The following CDH4 variants were observed in gnomAD, a reference collection of about 807,000 sequenced individuals.
The protein encoded by CDH4 is cadherin-4.
In CDH4, 33 loss-of-function variants were observed where a neutral mutation model predicts 86.0. The ratio of observed to expected loss-of-function variants is 0.38; its 90% CI spans 0.29 to 0.51. The LOEUF is 0.51. Among genes scored for constraint, CDH4 ranks in the 20% least tolerant of loss-of-function variants. The probability of loss-of-function intolerance (pLI) is 0.86; values close to 1 mark genes in which losing one functional copy is unlikely to be tolerated. For missense variants in CDH4, 1,114 were observed against 1,307.4 expected (o/e 0.85, Z 2.28); for synonymous variants, 555 against 549.4 (o/e 1.01, Z -0.14).
chr20:61,581,942 T>C (rs2086432315), intron 2 of CDH4, among the ~76,000 whole-genome samples: 1 of 152,206 alleles, frequency 6.6e-6, no homozygotes, highest in South Asian at 2.1e-4. Flanking sequence ...TCCTCGGCCC[T>C]GGCTGGCCTG....
At chr20:61,309,848 A>G (rs2084436310) in intron 2 of CDH4, among the ~76,000 whole-genome samples, 1 of 152,166 alleles carries the variant, frequency 6.6e-6, no homozygotes, top group Admixed American at 6.5e-5. Context: ...GTCCTATTGA[A>G]TGCATTACTT....
At chr20:61,257,662 C>T (rs1177650062) in intron 2 of CDH4, among the ~76,000 whole-genome samples, 1 of 152,240 alleles carries the variant, frequency 6.6e-6, no homozygotes, top group Non-Finnish European at 1.5e-5. Context: ...GACGGTGAAG[C>T]CGTTTGCCTT....
intron 2 of CDH4, among the ~76,000 whole-genome samples, chr20:61,514,495 T>C (rs1047396322): frequency 1.3e-5 from 2 of 152,234 alleles, no homozygotes; most frequent in East Asian, 3.8e-4. Flanking sequence ...TTTAGGCTAC[T>C]GTTCCCTTCT....
chr20:61,890,054 GATAGATGATGGATGC>G (rs1984742826), intron 7 of CDH4, among the ~76,000 whole-genome samples: 1 of 149,722 alleles, frequency 6.7e-6, no homozygotes, highest in African/African-American at 2.5e-5. Context: ...ATGATGGATG[GATAGATGATGGATGC>G]ATGGGTGGAT....
chr20:61,341,529 T>C (rs2084649098), intron 2 of CDH4, among the ~76,000 whole-genome samples: 1 of 151,730 alleles, frequency 6.6e-6, no homozygotes, highest in Non-Finnish European at 1.5e-5. Flanking sequence ...TTTTTCTTTT[T>C]TTTTTTTTTT....
chr20:61,274,324 G>A (rs1162863200), intron 2 of CDH4, among the ~76,000 whole-genome samples: 13 of 125,362 alleles, frequency 1.0e-4, no homozygotes, highest in Admixed American at 1.8e-4. Context: ...CAGTTTGGGG[G>A]AGTACCATGG....
At chr20:61,704,223 A>G (rs530710764) in intron 2 of CDH4, among the ~76,000 whole-genome samples, 41 of 152,194 alleles carry the variant, frequency 2.7e-4, no homozygotes, top group African/African-American at 8.4e-4. Flanking sequence ...TGTTGTCTCA[A>G]GGTGCTGCGA....
chr20:61,546,939 A>G (rs13045910), intron 2 of CDH4, among the ~76,000 whole-genome samples: 25,438 of 152,112 alleles, frequency 0.17, 2,261 homozygotes, highest in South Asian at 0.23. Flanking sequence ...CTCCGTGCCC[A>G]CGCTCCAGGA....
intron 2 of CDH4, among the ~76,000 whole-genome samples, chr20:61,648,403 G>C (rs1010600818): frequency 2.0e-5 from 3 of 152,162 alleles, no homozygotes; most frequent in Admixed American, 6.5e-5. Context: ...TAACCTCTGA[G>C]GGCCGGCAGT....
chr20:61,781,822 A>G (rs539752213), intron 4 of CDH4, among the ~76,000 whole-genome samples: 2 of 152,338 alleles, frequency 1.3e-5, no homozygotes, highest in East Asian at 3.9e-4. Context: ...TCATAGTCAA[A>G]CTGCTGAAAT....
chr20:61,565,382 TGGTGATGGGGTGATGGTGGTGGC>T (rs1418109178), intron 2 of CDH4, among the ~76,000 whole-genome samples: 26,763 of 57,456 alleles, frequency 0.47, 9,670 homozygotes, highest in African/African-American at 0.78. Flanking sequence ...GTGGTCCTCT[TGGTGATGGGGTGATGGTGGTGGC>T]GGTGCTCTTG....
At chr20:61,481,663 G>A (rs1032954214) in intron 2 of CDH4, among the ~76,000 whole-genome samples, 13 of 152,220 alleles carry the variant, frequency 8.5e-5, no homozygotes, top group Non-Finnish European at 1.6e-4. Flanking sequence ...CCTTGCTAGA[G>A]CACAAGTTTG....
intron 2 of CDH4, among the ~76,000 whole-genome samples, chr20:61,449,261 C>G (rs1328785630): frequency 1.3e-5 from 2 of 152,220 alleles, no homozygotes; most frequent in Non-Finnish European, 2.9e-5. Flanking sequence ...GCCGAGGGAC[C>G]TTGAAACCAA....
At chr20:61,803,815 C>A (rs1441179687) in intron 4 of CDH4, among the ~76,000 whole-genome samples, 4 of 152,222 alleles carry the variant, frequency 2.6e-5, no homozygotes, top group Non-Finnish European at 4.4e-5. Flanking sequence ...GGCTCTGCAG[C>A]TTAGAAAACT....
intron 2 of CDH4, among the ~76,000 whole-genome samples, chr20:61,696,658 C>A (rs989538588): frequency 6.6e-6 from 1 of 152,230 alleles, no homozygotes; most frequent in African/African-American, 2.4e-5. Flanking sequence ...CCACTACCCT[C>A]CATGGTCCAT....
At position 61,722,086 on chromosome 20, in the gene CDH4, T is replaced by C. The variant is rs147033836; in HGVS notation, c.170-21477T>C. 2.0e-5 allele frequency among the ~76,000 whole-genome samples: 3 copies of C among 152,296 alleles called. No homozygotes were observed. The East Asian group carries it at 5.8e-4, about 29-fold the overall frequency. ...AGATTGCACAGAGATTTAGGAAGCC[T>C]TTGCAGAGAAACATACAGACAAGCA... is the stretch of plus-strand genomic sequence containing the variant. On this transcript the variant is annotated intron_variant, in intron 2 of 15. Transcript: ENST00000614565.
intron 2 of CDH4, among the ~76,000 whole-genome samples, chr20:61,295,538 A>G (rs950949858): frequency 5.3e-5 from 8 of 152,246 alleles, no homozygotes; most frequent in Admixed American, 2.6e-4. Context: ...TCCCTTTGGT[A>G]TCTCTGATTT....
At chr20:61,628,096 G>A (rs554022100) in intron 2 of CDH4, among the ~76,000 whole-genome samples, 123 of 152,252 alleles carry the variant, frequency 8.1e-4, no homozygotes, top group African/African-American at 2.9e-3. Context: ...AGGAGGCTGG[G>A]TTTCTTCTGG....
chr20:61,499,894 G>A lies in CDH4; in HGVS notation c.170-243669G>A, dbSNP rs548009573. ...TTTCTCCCCTCCAGATGTGGGCATCGATTCTGTCTGTGGCAGGGGTGGTTG... is the reference window on the plus strand; with the variant it reads ...TTTCTCCCCTCCAGATGTGGGCATCAATTCTGTCTGTGGCAGGGGTGGTTG... On this transcript the variant is annotated intron_variant, in intron 2 of 15. Transcript: ENST00000614565. 2.4e-4 allele frequency among the ~76,000 whole-genome samples: 37 copies of A among 152,294 alleles called. No homozygotes were observed. The South Asian group carries it at 6.2e-3, about 26-fold the overall frequency.
Sources: gnomAD v4.1 joint callset for allele counts (sites outside exome capture counted in the v4.1 genomes callset) on GRCh38, gnomAD v4.1.1 for gene constraint, MANE v1.5 for transcripts, NCBI Gene and HGNC (gene_info 2026-07-23, HGNC 2026-07-21) for gene names.